Variants in EPHA8 observed in about 807,000 individuals in gnomAD.
EPHA8 encodes EPH receptor A8, also known as ephrin type-A receptor 8.
Under a neutral mutation model 103.6 loss-of-function variants are expected in EPHA8, and 58 were observed. The ratio of observed to expected loss-of-function variants is 0.56; its 90% CI spans 0.45 to 0.70. EPHA8 has a LOEUF of 0.70. EPHA8 is among the 30% of genes least tolerant of loss of function. The pLI is 0.00. For synonymous variants in EPHA8, 559 were observed against 572.5 expected (o/e 0.98, Z 0.34); for missense variants, 1,304 against 1,395.2 (o/e 0.93, Z 1.04).
intron 2 of EPHA8, among the ~76,000 whole-genome samples, chr1:22,573,904 C>G (rs981574318): frequency 6.6e-6 from 1 of 152,260 alleles, no homozygotes; most frequent in African/African-American, 2.4e-5. Context: ...TCTTGCCCAC[C>G]TGGATTCCCT....
At chr1:22,578,392 GTC>G (rs1440787319) in intron 3 of EPHA8, among the ~76,000 whole-genome samples, 1 of 146,122 alleles carries the variant, frequency 6.8e-6, no homozygotes, top group Non-Finnish European at 1.5e-5. Flanking sequence ...ATGTATGCAT[GTC>G]TGCATGAGTG....
Position 22,601,940 on chromosome 1 carries a change from C to G in EPHA8, c.*199C>G, listed in dbSNP as rs921862218. ...CTGGGAAGGGGCCTTTGGTGGCCAC[C>G]CTGGTGAGGACACCTGTCCCCCAGG... On this transcript the variant is annotated 3_prime_UTR_variant, in exon 17 of 17. Coordinates refer to ENST00000166244, the MANE Select transcript of EPHA8 (RefSeq NM_020526.5). 3.3e-6 allele frequency: 2 copies of G among 612,210 alleles called. No homozygotes were observed. The highest frequency in any genetic ancestry group is 1.9e-5 in the African/African-American group (1 of 51,928). The allele number at this position is 612,210 out of a possible 1,614,324, so 37.9% of individuals were successfully genotyped here.
Position 22,593,349 on chromosome 1 carries a change from C to G in EPHA8, c.1339C>G (p.Arg447Gly), listed in dbSNP as rs770292834. The G allele has an allele frequency of 1.3e-6, 2 of 1,577,728 alleles. No individual in the cohort carries two copies. The highest frequency in any genetic ancestry group is 4.6e-5 in the East Asian group (2 of 43,524). ...AGCCCCGTCCCAGGTGGTGGTGATC[C>G]GTCAAGAGCGGGCGGGGCAGACCAG... Reference protein sequence around the residue: ...QAAPSQVVVIRQERAGQTSVS... With the variant: ...QAAPSQVVVIGQERAGQTSVS... The change falls in exon 6 of 17, where the codon CGT becomes GGT. Residue 447 changes from arginine (R) to glycine (G), a missense_variant. Physicochemically the swap from Arg to Gly is moderately radical, Grantham distance 125. Coordinates refer to ENST00000166244, the MANE Select transcript of EPHA8 (RefSeq NM_020526.5).
In EPHA8 at chr1:22,576,786, C is replaced by T; in HGVS notation, c.729C>T (p.Pro243=). 1 of 1,613,718 alleles carries T rather than the reference C, an allele frequency of 6.2e-7. No homozygotes were observed. Among genetic ancestry groups the T allele is most frequent in the Non-Finnish European group, 8.5e-7 (1 of 1,180,000 alleles). ...GGCACTCAGAGGAGCGGGACACACCCAAGATGTACTGCAGCGCGGAGGGCG... is the reference window on the plus strand; with the variant it reads ...GGCACTCAGAGGAGCGGGACACACCTAAGATGTACTGCAGCGCGGAGGGCG... ...CVRHSEERDT[P]KMYCSAEGEW... is the part of the protein sequence containing the mutation. Residue 243 remains proline (P), a synonymous_variant, in exon 3 of 17, where the codon CCC becomes CCT. Transcript: ENST00000166244. The surrounding 1 kb of genome is among the most constrained non-coding windows in gnomAD (Gnocchi z 4.8).
At position 22,600,789 on chromosome 1, in the gene EPHA8, C is replaced by G; in HGVS notation, c.2517C>G (p.Tyr839Ter). ...WEVLAYGERP[Y>*]WNMTNRDVIS... ...TGCTGGCCTATGGGGAGCGGCCCTA[C>G]TGGAACATGACCAACCGGGATGTGA... is the stretch of plus-strand genomic sequence containing the variant. Residue 839 changes from tyrosine (Y) to a stop codon, truncating the protein, a stop_gained, in exon 14 of 17, where the codon TAC becomes TAG. Coordinates refer to ENST00000166244, the MANE Select transcript of EPHA8 (RefSeq NM_020526.5). LOFTEE classifies it high-confidence loss of function. 1 of 1,609,642 alleles carries G rather than the reference C, an allele frequency of 6.2e-7. No homozygotes were observed. The highest frequency in any genetic ancestry group is 8.5e-7 in the Non-Finnish European group (1 of 1,177,602).
chr1:22,585,027 C>CTGTGTGTGTGTGTGTGTGTGTGTGTG (rs772415643), intron 3 of EPHA8, among the ~76,000 whole-genome samples: 10 of 147,576 alleles, frequency 6.8e-5, no homozygotes, highest in East Asian at 4.1e-4. Flanking sequence ...GGTCGTTTCT[C>CTGTGTGTGTGTGTGTGTGTGTGTGTG]TGTGTGTGTG....
At chr1:22,573,207 G>A (rs1640591608) in intron 2 of EPHA8, among the ~76,000 whole-genome samples, 1 of 152,180 alleles carries the variant, frequency 6.6e-6, no homozygotes, top group African/African-American at 2.4e-5. Flanking sequence ...GGCCCCTTTG[G>A]AAGCAGGAAA....
rs1445107094 is a variant in EPHA8, at chr1:22,576,765, C to T, written c.708C>T (p.His236=). The part of the protein sequence containing the change: ...LVEVRGQCVR[H]SEERDTPKMY... ...AGGTGAGGGGCCAGTGCGTGCGGCA[C>T]TCAGAGGAGCGGGACACACCCAAGA... Residue 236 remains histidine, a synonymous_variant, in exon 3 of 17, where the codon CAC becomes CAT. Coordinates refer to ENST00000166244, the MANE Select transcript of EPHA8 (RefSeq NM_020526.5). This position sits in a 1 kb window ranked among gnomAD's most constrained non-coding sequence, Gnocchi z 4.8. 1.9e-6 allele frequency: 3 copies of T among 1,613,688 alleles called. No homozygotes were observed. Among genetic ancestry groups the T allele is most frequent in the African/African-American group, 2.7e-5 (2 of 74,944 alleles).
chr1:22,578,217 T>C lies in EPHA8; in HGVS notation c.823+1337T>C, dbSNP rs62653707. ...GTGTGTGCGTGCGAGTGTGTGCGTG[T>C]GAGTGTGCATGTGTGTATGTGTGCA... is the stretch of plus-strand genomic sequence containing the variant. On this transcript the variant is annotated intron_variant, in intron 3 of 16. Coordinates refer to ENST00000166244, the MANE Select transcript of EPHA8 (RefSeq NM_020526.5). Among the ~76,000 whole-genome samples the C allele has an allele frequency of 1.4e-3, 173 of 121,298 alleles. 2 individuals carry two copies. In the East Asian group the frequency reaches 0.018, roughly 13 times the overall value. 79.6% of individuals were successfully genotyped at this position (121,298 alleles called of 152,430 possible). A position where few individuals can be genotyped will look rare whatever the true frequency, so the allele number is the denominator to read the frequency against.
At chr1:22,579,951 A>G (rs1486514287) in intron 3 of EPHA8, among the ~76,000 whole-genome samples, 1 of 151,978 alleles carries the variant, frequency 6.6e-6, no homozygotes, top group Non-Finnish European at 1.5e-5. Context: ...CCTGAGCGCT[A>G]ATAGGACTGG....
In EPHA8 at chr1:22,597,318, C is replaced by G. The variant is rs1221309032; in HGVS notation, c.1772C>G (p.Pro591Arg). ...CCCTCCTCCCGCCCCTCAGCACCCC[C>G]ACCTGTCTTCCTGCCTCTGCATCAC... is the stretch of plus-strand genomic sequence containing the variant. ...KMHYQNGQAP[P>R]PVFLPLHHPP... Residue 591 changes from proline to arginine, a missense_variant, in exon 10 of 17, where the codon CCA (proline) becomes CGA (arginine). By Grantham distance (103) the Pro-to-Arg change is moderately radical (BLOSUM62 -2). Transcript: ENST00000166244. This position sits in a 1 kb window ranked among gnomAD's most constrained non-coding sequence, Gnocchi z 4.6. The G allele has an allele frequency of 6.2e-7, 1 of 1,604,890 alleles. No individual in the cohort carries two copies. The highest frequency in any genetic ancestry group is 1.3e-5 in the African/African-American group (1 of 74,710).
Position 22,589,290 on chromosome 1 carries a change from G to A in EPHA8, c.1315+84G>A, listed in dbSNP as rs111930583. The A allele has an allele frequency of 1.5e-4, 237 of 1,613,278 alleles. No homozygotes were observed. Among genetic ancestry groups the A allele is most frequent in the African/African-American group, 2.0e-4 (15 of 75,056 alleles). On this transcript the variant is annotated intron_variant, in intron 5 of 16. Transcript: ENST00000166244. This position sits in a 1 kb window ranked among gnomAD's most constrained non-coding sequence, Gnocchi z 4.3. The stretch of plus-strand genomic sequence containing the variant: ...CCCATCCAGGGATCAGAGCTCTGCC[G>A]GGGACGTGCTGTGGGCCTTTAGGCA...
In EPHA8 at chr1:22,601,634, C is replaced by A; in HGVS notation, c.2911C>A (p.Arg971Ser). The change falls in exon 17 of 17, where the codon CGC (arginine) becomes AGC (serine). Residue 971 changes from arginine to serine, a missense_variant. Arg to Ser is a moderately radical substitution (Grantham distance 110, BLOSUM62 -1). Transcript: ENST00000166244. ...AGCACCCTTCCTTCACAGGGACGTG[C>A]GCGCCCTGGGCATCACCCTCATGGG... ...MVLRMNAQDV[R>S]ALGITLMGHQ... 6.3e-7 allele frequency: 1 copy of A among 1,591,560 alleles called. No individual in the cohort carries two copies. Among genetic ancestry groups the A allele is most frequent in the Non-Finnish European group, 8.6e-7 (1 of 1,169,292 alleles).
At position 22,565,835 on chromosome 1, in the gene EPHA8, G is replaced by A. The variant is rs1640343777; in HGVS notation, c.94+2106G>A. 2.0e-5 allele frequency among the ~76,000 whole-genome samples: 3 copies of A among 152,186 alleles called. No individual in the cohort carries two copies. The South Asian group carries it at 6.2e-4, about 32-fold the overall frequency. On this transcript the variant is annotated intron_variant, in intron 1 of 16. Transcript: ENST00000166244. ...GCATAGCCCAAGGGCGAGAGTCCAC[G>A]CCCTCTCCGATCAATGCAGCAGGGT...
chr1:22,565,981 G>C (rs943551692), intron 1 of EPHA8, among the ~76,000 whole-genome samples: 1 of 152,214 alleles, frequency 6.6e-6, no homozygotes, highest in African/African-American at 2.4e-5. Flanking sequence ...GGCTGGTCTA[G>C]AGCAACCAGA....
intron 4 of EPHA8, 89 bp from the exon 5 acceptor site, chr1:22,588,782 T>A: frequency 6.7e-7 from 1 of 1,500,154 alleles, no homozygotes. Flanking sequence ...TGGGGAGCCC[T>A]TCCCTTGGGG....
rs1388657873 is a variant in EPHA8, at chr1:22,564,000, G to T, written c.94+271G>T. Reference sequence around the variant, plus strand: ...AGGAGACAGGACTGAGGGATGTGCAGCTGGGGACAGAATACTGAGGGTCGG... The same window carrying T: ...AGGAGACAGGACTGAGGGATGTGCATCTGGGGACAGAATACTGAGGGTCGG... On this transcript the variant is annotated intron_variant, in intron 1 of 16. Transcript: ENST00000166244. This position sits in a 1 kb window ranked among gnomAD's most constrained non-coding sequence, Gnocchi z 4.4. Among the ~76,000 whole-genome samples the T allele has an allele frequency of 1.3e-5, 2 of 151,990 alleles. No individual in the cohort carries two copies. The highest frequency in any genetic ancestry group is 2.9e-5 in the Non-Finnish European group (2 of 67,984).
At position 22,576,142 on chromosome 1, in the gene EPHA8, C is replaced by A. The variant is rs116491346; in HGVS notation, c.160-75C>A. 1,372 of 1,502,918 alleles carry A rather than the reference C, an allele frequency of 9.1e-4. 8 individuals carry two copies. The African/African-American group carries it at 0.017, about 19-fold the overall frequency. The allele number at this position is 1,502,918 out of a possible 1,614,324, so 93.1% of individuals were successfully genotyped here. A position where few individuals can be genotyped will look rare whatever the true frequency, so the allele number is the denominator to read the frequency against. Reference sequence around the variant, plus strand: ...TTTTTTTTTGCCAGCGTCCCCAGCACAGAACACAGGGTCATTGGCAAAAGA... The same window carrying A: ...TTTTTTTTTGCCAGCGTCCCCAGCAAAGAACACAGGGTCATTGGCAAAAGA... On this transcript the variant is annotated intron_variant, in intron 2 of 16. Transcript: ENST00000166244. The surrounding 1 kb of genome is among the most constrained non-coding windows in gnomAD (Gnocchi z 4.8).
intron 3 of EPHA8, among the ~76,000 whole-genome samples, chr1:22,578,430 G>A (rs1640851914): frequency 7.2e-6 from 1 of 138,884 alleles, no homozygotes; most frequent in Non-Finnish European, 1.5e-5. Flanking sequence ...GTGTACGTAT[G>A]TGTACGTGTG....
Sources: allele counts gnomAD v4.1 joint callset (sites outside exome capture counted in the v4.1 genomes callset), GRCh38; gene constraint gnomAD v4.1.1; non-coding constraint Gnocchi (gnomAD v3.1); transcripts MANE v1.5; gene names NCBI Gene and HGNC (gene_info 2026-07-23, HGNC 2026-07-21).